The following KCNQ5 variants were observed in gnomAD, a reference collection of about 807,000 sequenced individuals.
KCNQ5 encodes the protein potassium voltage-gated channel subfamily KQT member 5.
KCNQ5 carries 30 observed loss-of-function variants against 98.2 expected under a neutral mutation model. That is an observed-to-expected ratio of 0.31 (90% CI 0.23 to 0.41). KCNQ5 has a LOEUF of 0.41. Among genes scored for constraint, KCNQ5 ranks in the 10% least tolerant of loss-of-function variants. The probability of loss-of-function intolerance (pLI) is 1.00; values close to 1 mark genes in which losing one functional copy is unlikely to be tolerated. For synonymous variants in KCNQ5, 458 were observed against 449.4 expected (o/e 1.02, Z -0.24); for missense variants, 835 against 1,182.5 (o/e 0.71, Z 4.31).
At chr6:73,114,767 A>G (rs1386367137) in intron 7 of KCNQ5, among the ~76,000 whole-genome samples, 1 of 152,210 alleles carries the variant, frequency 6.6e-6, no homozygotes, top group Non-Finnish European at 1.5e-5. Flanking sequence ...TATATGCTTT[A>G]TTAGAAACAG....
At chr6:72,838,688 C>T (rs1053710895) in intron 1 of KCNQ5, among the ~76,000 whole-genome samples, 3 of 151,822 alleles carry the variant, frequency 2.0e-5, no homozygotes, top group Non-Finnish European at 1.5e-5. Flanking sequence ...CGGTGGCTCA[C>T]GCCTGTAATC....
intron 1 of KCNQ5, among the ~76,000 whole-genome samples, chr6:72,937,038 C>A (rs554796598): frequency 3.2e-4 from 49 of 152,206 alleles, no homozygotes; most frequent in African/African-American, 1.2e-3. Flanking sequence ...AGAGTACAAA[C>A]AAAATAGCTA....
At chr6:73,041,603 A>T (rs997850072) in intron 2 of KCNQ5, among the ~76,000 whole-genome samples, 8 of 152,210 alleles carry the variant, frequency 5.3e-5, no homozygotes, top group African/African-American at 1.9e-4. Flanking sequence ...TTCACATGTT[A>T]CTGGGTAGCT....
intron 3 of KCNQ5, among the ~76,000 whole-genome samples, chr6:73,049,594 G>A (rs1772123048): frequency 6.6e-6 from 1 of 152,122 alleles, no homozygotes; most frequent in Non-Finnish European, 1.5e-5. Flanking sequence ...TCTACATGTG[G>A]AGAAATAATG....
intron 10 of KCNQ5, among the ~76,000 whole-genome samples, chr6:73,146,626 CAAAAAAAAAAA>C (rs58798764): frequency 1.8e-4 from 5 of 28,484 alleles, no homozygotes; most frequent in East Asian, 7.7e-4. Flanking sequence ...GTCCCTGTCT[CAAAAAAAAAAA>C]AAAAAAAAAA....
chr6:72,696,587 A>T (rs1229263403), intron 1 of KCNQ5, among the ~76,000 whole-genome samples: 1 of 151,902 alleles, frequency 6.6e-6, no homozygotes, highest in Non-Finnish European at 1.5e-5. Context: ...GCTGAGTGGC[A>T]ACTCTTTATC....
chr6:72,895,272 G>A (rs1163525550), intron 1 of KCNQ5, among the ~76,000 whole-genome samples: 1 of 149,888 alleles, frequency 6.7e-6, no homozygotes, highest in African/African-American at 2.5e-5. Flanking sequence ...CTGGGTGACA[G>A]AGCGAGACTC....
rs1565037471 is a variant in KCNQ5, at chr6:72,622,600, G to GC, written c.398+18dup. 1 of 1,611,606 alleles carries GC rather than the reference G, an allele frequency of 6.2e-7. No homozygotes were observed. Among genetic ancestry groups the GC allele is most frequent in the Admixed American group, 1.7e-5 (1 of 59,906 alleles). ...ACCACGCTTTCGTGTGAGTACCCGC[G>GC]CCCCCTGCTATGCCCGCTGCAGGGG... On this transcript the variant is annotated intron_variant, in intron 1 of 13. Coordinates refer to ENST00000370398, the MANE Select transcript of KCNQ5 (RefSeq NM_019842.4). The surrounding 1 kb of genome is among the most constrained non-coding windows in gnomAD (Gnocchi z 6.0).
chr6:72,931,818 G>A (rs745860645), intron 1 of KCNQ5, among the ~76,000 whole-genome samples: 2 of 152,132 alleles, frequency 1.3e-5, no homozygotes, highest in Non-Finnish European at 2.9e-5. Context: ...ATTGGAGGAC[G>A]ATTCTCTGGA....
chr6:72,757,507 A>G (rs1222313210), intron 1 of KCNQ5, among the ~76,000 whole-genome samples: 1 of 152,222 alleles, frequency 6.6e-6, no homozygotes, highest in Non-Finnish European at 1.5e-5. Flanking sequence ...GACACTTAAC[A>G]TTAACCTACA....
chr6:73,055,159 C>T, intron 3 of KCNQ5: 2 of 808,578 alleles, frequency 2.5e-6, no homozygotes, highest in Middle Eastern at 3.5e-4. Context: ...TGGAGAACCA[C>T]TTCAGCGGCT....
At chr6:72,778,178 C>T (rs1247070515) in intron 1 of KCNQ5, among the ~76,000 whole-genome samples, 3 of 152,236 alleles carry the variant, frequency 2.0e-5, no homozygotes, top group African/African-American at 7.2e-5. Context: ...GTAGAAAATT[C>T]AATGAAGAAT....
At chr6:72,838,118 A>C (rs1776596190) in intron 1 of KCNQ5, among the ~76,000 whole-genome samples, 1 of 97,002 alleles carries the variant, frequency 1.0e-5, no homozygotes, top group Non-Finnish European at 1.9e-5. Context: ...CCCACCCCAC[A>C]ACAGGCCCCG....
At chr6:72,734,223 G>A (rs1268969631) in intron 1 of KCNQ5, among the ~76,000 whole-genome samples, 1 of 152,216 alleles carries the variant, frequency 6.6e-6, no homozygotes, top group African/African-American at 2.4e-5. Context: ...GTTCAAGACT[G>A]AAAAATGTTA....
intron 1 of KCNQ5, among the ~76,000 whole-genome samples, chr6:72,625,250 C>G (rs2098917489): frequency 6.6e-6 from 1 of 152,100 alleles, no homozygotes; most frequent in African/African-American, 2.4e-5. Context: ...AATGTCTTTT[C>G]AAGAGTACAT....
intron 11 of KCNQ5, among the ~76,000 whole-genome samples, chr6:73,183,979 A>G (rs994331129): frequency 2.0e-5 from 3 of 152,226 alleles, no homozygotes; most frequent in African/African-American, 7.2e-5. Context: ...GACTCTAGCC[A>G]CATGTTTTCC....
intron 1 of KCNQ5, among the ~76,000 whole-genome samples, chr6:72,641,144 G>C (rs62411981): frequency 0.047 from 7,209 of 152,172 alleles, 190 homozygotes; most frequent in South Asian, 0.087. Context: ...TAAGTGAATA[G>C]ATCAAGTAAG....
Position 72,687,942 on chromosome 6 carries a change from G to A in KCNQ5, c.398+65355G>A, listed in dbSNP as rs185255080. ...CAACCTCCGCCTCCCAGGTTCAAGC[G>A]ATTCTTCTGCCTCAGCCTCCCAAGT... is the stretch of plus-strand genomic sequence containing the variant. On this transcript the variant is annotated intron_variant, in intron 1 of 13. Coordinates refer to ENST00000370398, the MANE Select transcript of KCNQ5 (RefSeq NM_019842.4). Among the ~76,000 whole-genome samples, 397 of 150,986 alleles carry A rather than the reference G, an allele frequency of 2.6e-3. 2 individuals carry two copies. Among genetic ancestry groups the A allele is most frequent in the Non-Finnish European group, 2.5e-3 (171 of 67,838 alleles).
At chr6:73,057,365 G>A (rs1023027910) in intron 3 of KCNQ5, among the ~76,000 whole-genome samples, 1 of 151,632 alleles carries the variant, frequency 6.6e-6, no homozygotes, top group South Asian at 2.1e-4. Flanking sequence ...AGCATTAGGA[G>A]ATATACCTAA....
Sources: gnomAD v4.1 joint callset for allele counts (sites outside exome capture counted in the v4.1 genomes callset) on GRCh38, gnomAD v4.1.1 for gene constraint, Gnocchi (gnomAD v3.1) non-coding constraint, MANE v1.5 for transcripts, NCBI Gene and HGNC (gene_info 2026-07-23, HGNC 2026-07-21) for gene names.